The following KCNK2 variants were observed in gnomAD, a reference collection of about 807,000 sequenced individuals.
KCNK2 encodes the protein potassium channel subfamily K member 2.
Under a neutral mutation model 40.5 loss-of-function variants are expected in KCNK2, and 21 were observed. The ratio of observed to expected loss-of-function variants is 0.52; its 90% CI spans 0.37 to 0.75. KCNK2 has a LOEUF of 0.75. Ranked by LOEUF, KCNK2 falls within the 30% of genes least tolerant of loss-of-function variation. The pLI, the probability that KCNK2 is intolerant of heterozygous loss-of-function variation, is 0.00. For synonymous variants in KCNK2, 191 were observed against 202.2 expected, an observed-to-expected ratio of 0.94 and a Z score of 0.47; for missense variants, 399 against 531.6, an observed-to-expected ratio of 0.75 and a Z score of 2.45.
rs1177774153 is a variant in KCNK2, at chr1:215,083,421, T to C, written c.36T>C (p.Tyr12=). 2 of 1,613,536 alleles carry C rather than the reference T, an allele frequency of 1.2e-6. No homozygotes were observed. The highest frequency in any genetic ancestry group is 2.2e-5 in the East Asian group (1 of 44,822). ...GCGCCTCGCGGGAGAGACCCGGCTA[T>C]AGAGCAGGAGGTGAGACCCCCCCTC... The part of the protein sequence containing the change: ...LPSASRERPG[Y]RAGVAAPDLL... Residue 12 remains tyrosine (Y), a synonymous_variant, in exon 1 of 7, where the codon TAT becomes TAC. Coordinates refer to ENST00000444842, the MANE Select transcript of KCNK2 (RefSeq NM_001017425.3).
rs900600427 is a variant in KCNK2 at position 215,144,910 on chromosome 1, T to C, written c.475+20160T>C. Among the ~76,000 whole-genome samples the C allele has an allele frequency of 1.3e-4, 20 of 152,210 alleles. No homozygotes were observed. The East Asian group carries it at 3.8e-3, about 29-fold the overall frequency. ...GATTAAATATTCTCACAGCTGCTAA[T>C]GTCTGTTTGGCTAGGAGAATGAAAG... On this transcript the variant is annotated intron_variant, in intron 3 of 6. Coordinates refer to ENST00000444842, the MANE Select transcript of KCNK2 (RefSeq NM_001017425.3).
chr1:215,227,542 G>A (rs1666433354), intron 6 of KCNK2, among the ~76,000 whole-genome samples: 1 of 152,194 alleles, frequency 6.6e-6, no homozygotes, highest in Non-Finnish European at 1.5e-5. Context: ...GATTACATGA[G>A]TCACTTTAAA....
intron 2 of KCNK2, among the ~76,000 whole-genome samples, chr1:215,101,349 T>G (rs1427795135): frequency 2.6e-5 from 4 of 151,932 alleles, no homozygotes; most frequent in Non-Finnish European, 5.9e-5. Context: ...AAGTTTTCTG[T>G]GAGGACATGA....
At chr1:215,034,729 ACT>A (rs1188154129) in intron 1 of KCNK2, among the ~76,000 whole-genome samples, 2 of 151,010 alleles carry the variant, frequency 1.3e-5, no homozygotes, top group African/African-American at 4.9e-5. Context: ...TTGTATTTGA[ACT>A]CTCTGTTCTG....
chr1:215,116,245 G>C (rs1035794520), intron 2 of KCNK2, among the ~76,000 whole-genome samples: 1 of 152,022 alleles, frequency 6.6e-6, no homozygotes, highest in Non-Finnish European at 1.5e-5. Context: ...TATGAAAAGA[G>C]TTTTCAGCAG....
At chr1:215,022,136 T>TATCTATCTATCTATCTATCTAATC (rs145045839) in intron 1 of KCNK2, among the ~76,000 whole-genome samples, 40 of 151,174 alleles carry the variant, frequency 2.6e-4, no homozygotes, top group South Asian at 1.7e-3. Context: ...TCTAATCATC[T>TATCTATCTATCTATCTATCTAATC]ATCTATCTAA....
At chr1:215,089,315 T>G (rs2102534130) in intron 2 of KCNK2, among the ~76,000 whole-genome samples, 1 of 152,326 alleles carries the variant, frequency 6.6e-6, no homozygotes, top group African/African-American at 2.4e-5. Context: ...GGAGCTTACC[T>G]TCTTTCAGTG....
At chr1:215,068,988 C>T (rs1658657863) in intron 1 of KCNK2, among the ~76,000 whole-genome samples, 1 of 152,134 alleles carries the variant, frequency 6.6e-6, no homozygotes, top group Non-Finnish European at 1.5e-5. Context: ...AAACAAAAAT[C>T]AAGCAAACCC....
chr1:215,229,363 G>A (rs918519825), intron 6 of KCNK2, among the ~76,000 whole-genome samples: 4 of 151,944 alleles, frequency 2.6e-5, no homozygotes, highest in African/African-American at 9.7e-5. Flanking sequence ...AGTAGAAAGG[G>A]TACAACAAAG....
intron 5 of KCNK2, among the ~76,000 whole-genome samples, chr1:215,173,080 A>G (rs575866296): frequency 1.3e-5 from 2 of 152,018 alleles, no homozygotes; most frequent in African/African-American, 2.4e-5. Flanking sequence ...TTAACTCGTC[A>G]TTTACATTAG....
At chr1:215,186,888 G>A (rs1159827426) in intron 5 of KCNK2, among the ~76,000 whole-genome samples, 4 of 152,142 alleles carry the variant, frequency 2.6e-5, no homozygotes, top group East Asian at 1.9e-4. Flanking sequence ...TGCTAAGAGT[G>A]GCAAGTGCAG....
At chr1:215,107,318 AT>A (rs1265541136) in intron 2 of KCNK2, among the ~76,000 whole-genome samples, 2 of 152,002 alleles carry the variant, frequency 1.3e-5, no homozygotes, top group African/African-American at 4.8e-5. Flanking sequence ...GGTTAGACGT[AT>A]TCCTAGGTAT....
intron 3 of KCNK2, among the ~76,000 whole-genome samples, chr1:215,162,546 G>A (rs1663248692): frequency 1.3e-5 from 2 of 151,980 alleles, no homozygotes. Context: ...GGGTTTTTAT[G>A]GTTTTTGGTC....
intron 3 of KCNK2, among the ~76,000 whole-genome samples, chr1:215,160,162 T>G (rs1322260116): frequency 6.6e-6 from 1 of 152,174 alleles, no homozygotes; most frequent in Non-Finnish European, 1.5e-5. Flanking sequence ...TAATACTGTA[T>G]TAGTGTTAAT....
intron 3 of KCNK2, among the ~76,000 whole-genome samples, chr1:215,129,133 T>C (rs141316147): frequency 6.6e-6 from 1 of 152,156 alleles, no homozygotes; most frequent in African/African-American, 2.4e-5. Flanking sequence ...CCTTGGTGAC[T>C]AATAGAATGA....
chr1:215,052,347 G>A (rs961038488), intron 1 of KCNK2, among the ~76,000 whole-genome samples: 1 of 152,296 alleles, frequency 6.6e-6, no homozygotes, highest in Non-Finnish European at 1.5e-5. Flanking sequence ...ACTGCCTATA[G>A]AGCAGAGGAT....
At chr1:215,107,631 G>T (rs1660489001) in intron 2 of KCNK2, among the ~76,000 whole-genome samples, 1 of 151,910 alleles carries the variant, frequency 6.6e-6, no homozygotes, top group South Asian at 2.1e-4. Flanking sequence ...TTGTTCATTT[G>T]CATGTCTTCT....
At chr1:215,081,608 A>G (rs958386681), upstream of KCNK2, among the ~76,000 whole-genome samples, 5 of 152,034 alleles carry the variant, frequency 3.3e-5, no homozygotes, top group Non-Finnish European at 5.9e-5. Context: ...AATTACGTCT[A>G]TATTTTTCAC....
chr1:215,184,963 G>GA (rs1254160987), intron 5 of KCNK2, among the ~76,000 whole-genome samples: 2 of 151,974 alleles, frequency 1.3e-5, no homozygotes, highest in South Asian at 4.2e-4. Flanking sequence ...ACCAGCTTAG[G>GA]AAAAAAATAT....
Sources: gnomAD v4.1 joint callset for allele counts (sites outside exome capture counted in the v4.1 genomes callset) on GRCh38, gnomAD v4.1.1 for gene constraint, MANE v1.5 for transcripts, NCBI Gene and HGNC (gene_info 2026-07-23, HGNC 2026-07-21) for gene names.